The following APP variants were observed in gnomAD, a reference collection of about 807,000 sequenced individuals.
APP encodes the protein amyloid-beta precursor protein.
A neutral mutation model predicts 101.4 loss-of-function variants in APP; 31 were observed. The observed-to-expected ratio is 0.31, with a 90% CI of 0.23 to 0.41. The LOEUF (loss-of-function observed/expected upper bound fraction) is 0.41. Among genes scored for constraint, APP ranks in the 10% least tolerant of loss-of-function variants. The pLI is 1.00. For synonymous variants in APP, 366 were observed against 364.4 expected, an observed-to-expected ratio of 1.00 and a Z score of -0.05; for missense variants, 839 against 1,003.7, an observed-to-expected ratio of 0.84 and a Z score of 2.22.
At chr21:26,137,902 T>C (rs1601552833) in intron 1 of APP, among the ~76,000 whole-genome samples, 1 of 152,254 alleles carries the variant, frequency 6.6e-6, no homozygotes, top group East Asian at 1.9e-4. Flanking sequence ...ATTTTCCTGA[T>C]GAAACAAAAT....
chr21:26,161,985 G>A (rs1189713190), intron 1 of APP, among the ~76,000 whole-genome samples: 2 of 151,902 alleles, frequency 1.3e-5, no homozygotes, highest in Non-Finnish European at 2.9e-5. Context: ...TTTATTCTAT[G>A]AGCCTATCAA....
chr21:25,996,684 C>T (rs1038806712), intron 8 of APP, among the ~76,000 whole-genome samples: 2 of 152,204 alleles, frequency 1.3e-5, no homozygotes, highest in African/African-American at 4.8e-5. Flanking sequence ...GACTTAGGCA[C>T]CTTCAGAATT....
At chr21:26,122,579 C>T (rs1057509606) in intron 1 of APP, among the ~76,000 whole-genome samples, 2 of 152,036 alleles carry the variant, frequency 1.3e-5, no homozygotes, top group Non-Finnish European at 2.9e-5. Context: ...TCAAGTGAGT[C>T]GGCCTGCCGT....
intron 1 of APP, among the ~76,000 whole-genome samples, chr21:26,155,471 C>T (rs894680605): frequency 6.6e-6 from 1 of 152,134 alleles, no homozygotes; most frequent in African/African-American, 2.4e-5. Context: ...TTAGATCTAA[C>T]GGTCCTATTA....
chr21:26,008,340 C>T (rs1039989317), intron 6 of APP, among the ~76,000 whole-genome samples: 4 of 152,126 alleles, frequency 2.6e-5, no homozygotes, highest in Admixed American at 2.6e-4. Context: ...CCTTTGTTTC[C>T]TGTTTGTTAT....
At chr21:26,129,813 A>C (rs1324541294) in intron 1 of APP, among the ~76,000 whole-genome samples, 1 of 152,322 alleles carries the variant, frequency 6.6e-6, no homozygotes, top group East Asian at 1.9e-4. Context: ...TTTCACAATA[A>C]AAAATACAAA....
chr21:25,914,635 G>C (rs1281966289), intron 13 of APP, among the ~76,000 whole-genome samples: 8 of 143,750 alleles, frequency 5.6e-5, no homozygotes, highest in Non-Finnish European at 8.9e-5. Flanking sequence ...CTCACTGCAA[G>C]CTCCGCCTCC....
chr21:26,153,152 G>A (rs1243251207), intron 1 of APP, among the ~76,000 whole-genome samples: 2 of 152,112 alleles, frequency 1.3e-5, no homozygotes, highest in Non-Finnish European at 2.9e-5. Context: ...GAGGAGGAGG[G>A]TAATAGGGGA....
chr21:26,063,794 C>T (rs1170224368), intron 3 of APP, among the ~76,000 whole-genome samples: 1 of 152,168 alleles, frequency 6.6e-6, no homozygotes, highest in African/African-American at 2.4e-5. Context: ...TTCTCTGCTC[C>T]TTAATTGTGG....
rs142298772 is a variant in APP at position 25,935,937 on chromosome 21, G to A, written c.1687+18653C>T. Among the ~76,000 whole-genome samples the A allele has an allele frequency of 3.3e-5, 5 of 151,082 alleles. No individual in the cohort carries two copies. The East Asian group carries it at 7.8e-4, about 24-fold the overall frequency. ...CTAGGATTTGAAGTTCATCAAGGCC[G>A]AGTTTAGGCTGCCAGACCACAACCT... On this transcript the variant is annotated intron_variant, in intron 13 of 17. Transcript: ENST00000346798.
Position 25,929,385 on chromosome 21 carries a change from AGTGGTT to A in APP, c.1688-17429_1688-17424del, listed in dbSNP as rs2040044423. Among the ~76,000 whole-genome samples the A allele has an allele frequency of 1.3e-5, 2 of 152,120 alleles. 1 individual carries two copies. The highest frequency in any genetic ancestry group is 4.1e-4 in the South Asian group (2 of 4,820). On this transcript the variant is annotated intron_variant, in intron 13 of 17. Coordinates refer to ENST00000346798, the MANE Select transcript of APP (RefSeq NM_000484.4). The stretch of plus-strand genomic sequence containing the variant: ...TCTAACAGCAGAAATAATCAAGAGT[AGTGGTT>A]TTTTTTTAATGGTTTTATTCTTACA...
chr21:25,904,607 T>C (rs2038688031), intron 15 of APP, among the ~76,000 whole-genome samples: 1 of 152,238 alleles, frequency 6.6e-6, no homozygotes, highest in Non-Finnish European at 1.5e-5. Flanking sequence ...ATTACCCATC[T>C]GGACACCAAA....
At chr21:25,966,770 GT>G (rs1368202777) in intron 11 of APP, among the ~76,000 whole-genome samples, 1 of 152,142 alleles carries the variant, frequency 6.6e-6, no homozygotes, top group Non-Finnish European at 1.5e-5. Flanking sequence ...CTCAAGTTTA[GT>G]ACCACAATTT....
chr21:25,988,807 T>C (rs145712502), intron 8 of APP, among the ~76,000 whole-genome samples: 4 of 143,668 alleles, frequency 2.8e-5, no homozygotes, highest in Non-Finnish European at 6.0e-5. Context: ...ACGAGAAGGG[T>C]CAGATTCCCT....
chr21:25,911,849 T>C lies in APP; in HGVS notation c.1801A>G (p.Lys601Glu), dbSNP rs201724379. The change falls in exon 14 of 18, where the codon AAA becomes GAA. Residue 601 changes from lysine to glutamate, a missense_variant. Coordinates refer to ENST00000346798, the MANE Select transcript of APP (RefSeq NM_000484.4). ...DALMPSLTET[K>E]TTVELLPVNG... The stretch of plus-strand genomic sequence containing the variant: ...ACGGGAAGGAGCTCCACGGTGGTTT[T>C]CGTTTCGGTCAAAGATGGCATGAGA... The C allele has an allele frequency of 2.5e-6, 4 of 1,614,088 alleles. No individual in the cohort carries two copies. The highest frequency in any genetic ancestry group is 2.5e-6 in the Non-Finnish European group (3 of 1,180,044).
At chr21:26,002,747 T>G (rs552921276) in intron 6 of APP, among the ~76,000 whole-genome samples, 19 of 152,296 alleles carry the variant, frequency 1.2e-4, no homozygotes, top group Admixed American at 5.2e-4. Flanking sequence ...CCTTGGCAAT[T>G]TATGCTGACC....
intron 3 of APP, among the ~76,000 whole-genome samples, chr21:26,088,571 T>G (rs1379991974): frequency 6.6e-6 from 1 of 152,238 alleles, no homozygotes; most frequent in Admixed American, 6.5e-5. Flanking sequence ...TAACTTGTAC[T>G]GAATTGTTCA....
intron 11 of APP, among the ~76,000 whole-genome samples, chr21:25,969,122 G>A (rs998295062): frequency 6.6e-6 from 1 of 151,436 alleles, no homozygotes; most frequent in Non-Finnish European, 1.5e-5. Context: ...GGCGGATCAC[G>A]AGGTCAGGAG....
At chr21:26,121,199 C>A (rs1436969186) in intron 1 of APP, among the ~76,000 whole-genome samples, 1 of 152,166 alleles carries the variant, frequency 6.6e-6, no homozygotes, top group East Asian at 1.9e-4. Flanking sequence ...ATAGACCTAG[C>A]CAAATATGTG....
Sources: gnomAD v4.1 joint callset for allele counts (sites outside exome capture counted in the v4.1 genomes callset) on GRCh38, gnomAD v4.1.1 for gene constraint, MANE v1.5 for transcripts, NCBI Gene and HGNC (gene_info 2026-07-23, HGNC 2026-07-21) for gene names.